TEX261: variants seen among roughly 807,000 people sequenced by gnomAD.
TEX261 encodes the protein protein TEX261.
Under a neutral mutation model 25.1 loss-of-function variants are expected in TEX261, and 13 were observed. The ratio of observed to expected loss-of-function variants is 0.52; its 90% CI spans 0.34 to 0.82. The LOEUF is 0.82. TEX261 is among the 40% of genes least tolerant of loss of function. The pLI, the probability that TEX261 is intolerant of heterozygous loss-of-function variation, is 0.02. For synonymous variants in TEX261, 92 were observed against 97.8 expected, an observed-to-expected ratio of 0.94 and a Z score of 0.35; for missense variants, 206 against 243.2, an observed-to-expected ratio of 0.85 and a Z score of 1.02.
intron 3 of TEX261, among the ~76,000 whole-genome samples, 195 bp from the exon 4 acceptor site, chr2:70,990,011 G>A (rs1670271690): frequency 6.6e-6 from 1 of 152,218 alleles, no homozygotes. Context: ...CCTGCCCACT[G>A]CACAGGGCAT....
intron 1 of TEX261, 72 bp downstream of exon 1, chr2:70,994,616 C>T (rs1670372464): frequency 6.5e-7 from 1 of 1,546,818 alleles, no homozygotes; most frequent in Non-Finnish European, 8.7e-7. Context: ...TCCGAAACCC[C>T]CGCGATGCGA....
Position 70,994,826 on chromosome 2 carries a change from G to A in TEX261, c.-69C>T, listed in dbSNP as rs367893873. 5 of 1,286,200 alleles carry A rather than the reference G, an allele frequency of 3.9e-6. No individual in the cohort carries two copies. The highest frequency in any genetic ancestry group is 2.7e-4 in the Middle Eastern group (1 of 3,728). 79.7% of individuals were successfully genotyped at this position (1,286,200 alleles called of 1,614,324 possible). On this transcript the variant is annotated 5_prime_UTR_variant, in exon 1 of 6. Coordinates refer to ENST00000272438, the MANE Select transcript of TEX261 (RefSeq NM_144582.3). ...CGCGCTTCGGCTCCGGCGACACACA[G>A]CCGCCACCGCCGCCGCCGCCGCCGC...
At position 70,987,192 on chromosome 2, in the gene TEX261, T is replaced by C. The variant is rs1670204628; in HGVS notation, c.*1408A>G. ...CCAGTATCCCCTGCCTTGTCTATCC[T>C]GGTGTGCATAGGAGAAAAGGGCCTG... On this transcript the variant is annotated 3_prime_UTR_variant, in exon 6 of 6. Transcript: ENST00000272438. The C allele has an allele frequency of 6.6e-6, 1 of 152,134 alleles. No homozygotes were observed. Among genetic ancestry groups the C allele is most frequent in the Non-Finnish European group, 1.5e-5 (1 of 68,048 alleles). The allele number at this position is 152,134 out of a possible 1,614,324, so 9.4% of individuals were successfully genotyped here. A position where few individuals can be genotyped will look rare whatever the true frequency, so the allele number is the denominator to read the frequency against.
chr2:70,993,753 T>C lies in TEX261; in HGVS notation c.93A>G (p.Ala31=), dbSNP rs1670351184. 4 of 1,613,196 alleles carry C rather than the reference T, an allele frequency of 2.5e-6. No homozygotes were observed. The highest frequency in any genetic ancestry group is 3.4e-6 in the Non-Finnish European group (4 of 1,180,008). The part of the protein sequence containing the change: ...LAVAAGLYYL[A]ELIEEYTVAT... ...CCACTGTGTATTCTTCTATCAGTTC[T>C]GCCAGGTAATAGAGTCCAGCCGCTG... The change falls in exon 2 of 6, where the codon GCA becomes GCG. Residue 31 remains alanine (A), a synonymous_variant. Coordinates refer to ENST00000272438, the MANE Select transcript of TEX261 (RefSeq NM_144582.3).
chr2:70,991,469 C>T (rs536403727), intron 3 of TEX261, among the ~76,000 whole-genome samples: 1 of 152,352 alleles, frequency 6.6e-6, no homozygotes, highest in African/African-American at 2.4e-5. Flanking sequence ...CGGACAGCTG[C>T]CTGCCTACCG....
chr2:70,993,899 A>G, intron 1 of TEX261, 124 bp from the exon 2 acceptor site: 1 of 737,606 alleles, frequency 1.4e-6, no homozygotes, highest in Non-Finnish European at 2.4e-6. Context: ...AACAAACCAA[A>G]CATCCCATGT....
intron 2 of TEX261, among the ~76,000 whole-genome samples, chr2:70,992,644 G>A (rs190614795): frequency 0.032 from 4,813 of 151,740 alleles, 95 homozygotes; most frequent in Non-Finnish European, 0.045. Context: ...CAGGAGAATC[G>A]CTTGAACCCA....
intron 2 of TEX261, 147 bp from the exon 3 acceptor site, chr2:70,992,130 G>T: frequency 1.5e-6 from 1 of 680,424 alleles, no homozygotes; most frequent in Non-Finnish European, 2.2e-6. Flanking sequence ...TAGGTTCTCT[G>T]CTCCCAAAAG....
intron 2 of TEX261, among the ~76,000 whole-genome samples, chr2:70,992,920 C>T (rs1260027011): frequency 6.6e-6 from 1 of 152,176 alleles, no homozygotes; most frequent in African/African-American, 2.4e-5. Flanking sequence ...TAAGTACCTA[C>T]AGTTGTCAGT....
At chr2:70,990,938 C>G (rs1206623354) in intron 3 of TEX261, among the ~76,000 whole-genome samples, 1 of 152,106 alleles carries the variant, frequency 6.6e-6, no homozygotes, top group East Asian at 1.9e-4. Flanking sequence ...AGGAAGAAAC[C>G]AGTTTTGGCT....
At position 70,987,367 on chromosome 2, in the gene TEX261, T is replaced by C. The variant is rs1670211184; in HGVS notation, c.*1233A>G. The C allele has an allele frequency of 6.6e-6, 1 of 152,490 alleles. No homozygotes were observed. Among genetic ancestry groups the C allele is most frequent in the Non-Finnish European group, 1.5e-5 (1 of 68,048 alleles). The allele number at this position is 152,490 out of a possible 1,614,324, so 9.4% of individuals were successfully genotyped here. On this transcript the variant is annotated 3_prime_UTR_variant, in exon 6 of 6. Transcript: ENST00000272438. The stretch of plus-strand genomic sequence containing the variant: ...CAGGCATGATATAGAGGAAATATTT[T>C]CAAGCACAGGGGTTTTTCCAGTGGC...
chr2:70,993,838 C>T, intron 1 of TEX261, 63 bp from the exon 2 acceptor site: 1 of 1,316,218 alleles, frequency 7.6e-7, no homozygotes, highest in Non-Finnish European at 1.1e-6. Context: ...GGTCACCCCT[C>T]TCTCTGCAGC....
intron 3 of TEX261, among the ~76,000 whole-genome samples, chr2:70,990,229 A>C (rs1670277468): frequency 6.6e-6 from 1 of 151,252 alleles, no homozygotes; most frequent in Non-Finnish European, 1.5e-5. Context: ...AGCAAGGAGA[A>C]GGCCTGCTCA....
chr2:70,994,792 A>G lies in TEX261; in HGVS notation c.-35T>C. The G allele has an allele frequency of 6.4e-7, 1 of 1,553,172 alleles. No individual in the cohort carries two copies. Among genetic ancestry groups the G allele is most frequent in the South Asian group, 1.2e-5 (1 of 84,754 alleles). On this transcript the variant is annotated 5_prime_UTR_variant, in exon 1 of 6. Transcript: ENST00000272438. ...ACCCGCCCGCTCCCCGGCCACCGGG[A>G]CGGGCCTGCGCGCTTCGGCTCCGGC...
At chr2:70,989,394 C>T (rs1411382604) in intron 4 of TEX261, 1 of 411,258 alleles carries the variant, frequency 2.4e-6, no homozygotes, top group Non-Finnish European at 4.5e-6. Flanking sequence ...GAGAAGAAAA[C>T]CTTGGCGGCC....
At chr2:70,993,230 C>T (rs936003275) in intron 2 of TEX261, among the ~76,000 whole-genome samples, 41 of 152,234 alleles carry the variant, frequency 2.7e-4, no homozygotes, top group Admixed American at 9.8e-4. Context: ...TAAGAGAAGC[C>T]TCCCATGAGA....
rs929251699 is a variant in TEX261, at chr2:70,987,477, T to A, written c.*1123A>T. The A allele has an allele frequency of 1.3e-5, 2 of 152,646 alleles. No individual in the cohort carries two copies. The highest frequency in any genetic ancestry group is 2.9e-5 in the Non-Finnish European group (2 of 68,050). 9.5% of individuals were successfully genotyped at this position (152,646 alleles called of 1,614,324 possible). A position where few individuals can be genotyped will look rare whatever the true frequency, so the allele number is the denominator to read the frequency against. ...AGAACATGGCCAGAAATGGCTCTCA[T>A]AGGGACTTCATTCCAATATGTACTG... is the stretch of plus-strand genomic sequence containing the variant. On this transcript the variant is annotated 3_prime_UTR_variant, in exon 6 of 6. Coordinates refer to ENST00000272438, the MANE Select transcript of TEX261 (RefSeq NM_144582.3).
intron 3 of TEX261, among the ~76,000 whole-genome samples, chr2:70,990,399 A>G (rs1461735207): frequency 6.6e-6 from 1 of 152,090 alleles, no homozygotes; most frequent in African/African-American, 2.4e-5. Context: ...CCCCCAGGTA[A>G]GGCATACCGG....
At chr2:70,992,499 G>A (rs1282706593) in intron 2 of TEX261, among the ~76,000 whole-genome samples, 2 of 152,146 alleles carry the variant, frequency 1.3e-5, no homozygotes, top group African/African-American at 4.8e-5. Flanking sequence ...GGAGGCCAAG[G>A]CAGGCAGATC....
Sources: allele counts gnomAD v4.1 joint callset (sites outside exome capture counted in the v4.1 genomes callset), GRCh38; gene constraint gnomAD v4.1.1; transcripts MANE v1.5; gene names NCBI Gene and HGNC (gene_info 2026-07-23, HGNC 2026-07-21).